Variants in LDLRAD1 observed in about 807,000 individuals in gnomAD.
LDLRAD1 encodes the protein low density lipoprotein receptor class A domain containing 1.
LDLRAD1 carries 17 observed loss-of-function variants against 24.8 expected under a neutral mutation model. The observed-to-expected ratio is 0.69, with a 90% CI of 0.47 to 1.03. The LOEUF (loss-of-function observed/expected upper bound fraction) is 1.03. Ranked by LOEUF, LDLRAD1 falls within the 50% of genes least tolerant of loss-of-function variation. The pLI is 0.00. For missense variants in LDLRAD1, 277 were observed against 271.0 expected, an observed-to-expected ratio of 1.02 and a Z score of -0.16; for synonymous variants, 103 against 108.2, an observed-to-expected ratio of 0.95 and a Z score of 0.30.
chr1:54,011,469 T>A (rs895619704), intron 4 of LDLRAD1, among the ~76,000 whole-genome samples: 1 of 152,060 alleles, frequency 6.6e-6, no homozygotes, highest in Non-Finnish European at 1.5e-5. Flanking sequence ...CTAGATGCTT[T>A]TGAGATTGCT....
Position 54,009,029 on chromosome 1 carries a change from G to A in LDLRAD1, c.571C>T (p.Gln191Ter). The change falls in exon 6 of 6, where the codon CAG becomes TAG. Residue 191 changes from glutamine to a stop codon, truncating the protein, a stop_gained. Coordinates refer to ENST00000371360, the MANE Select transcript of LDLRAD1 (RefSeq NM_001010978.4). LOFTEE classifies it high-confidence loss of function. ...TCATCGGACCAGTCGGAGCAGTGCT[G>A]TACATGGTCGCGGCAGAGATGCCTC... ...IPRHLCRDHV[Q>*]HCSDWSDEYA... 6.2e-7 allele frequency: 1 copy of A among 1,614,104 alleles called. No homozygotes were observed. Among genetic ancestry groups the A allele is most frequent in the Non-Finnish European group, 8.5e-7 (1 of 1,180,004 alleles).
rs998489079 is a variant in LDLRAD1 at position 54,009,099 on chromosome 1, C to T, written c.501G>A (p.Trp167Ter). ...TGAAGAAGGTTGAAGGACAGCGCCA[C>T]CACCCAGGGCCGCAGGGTGGGCACA... The part of the protein sequence containing the change: ...VTVCPPCGPG[W>*]WRCPSTFFKY... The change falls in exon 6 of 6, where the codon TGG (tryptophan) becomes TGA (stop). Residue 167 changes from tryptophan to a stop codon, truncating the protein, a stop_gained. Transcript: ENST00000371360. LOFTEE classifies it high-confidence loss of function. 3.1e-6 allele frequency: 5 copies of T among 1,613,814 alleles called. No individual in the cohort carries two copies. The African/African-American group carries it at 6.7e-5, about 22-fold the overall frequency.
At chr1:54,012,111 C>T in intron 4 of LDLRAD1, 32 bp downstream of exon 4, 1 of 1,610,800 alleles carries the variant, frequency 6.2e-7, no homozygotes. Context: ...TGGGGGAACC[C>T]CTGGGAGGGG....
chr1:54,017,830 C>T (rs1365992175), intron 1 of LDLRAD1, among the ~76,000 whole-genome samples: 2 of 152,080 alleles, frequency 1.3e-5, no homozygotes, highest in African/African-American at 4.8e-5. Flanking sequence ...GGTAGGGTCC[C>T]CTACACCCTG....
In LDLRAD1 at chr1:54,008,259, C is replaced by A. The variant is rs956424490; in HGVS notation, c.*723G>T. 6 of 152,218 alleles carry A rather than the reference C, an allele frequency of 3.9e-5. No individual in the cohort carries two copies. The highest frequency in any genetic ancestry group is 1.2e-4 in the African/African-American group (5 of 41,440). 9.4% of individuals were successfully genotyped at this position (152,218 alleles called of 1,614,324 possible). On this transcript the variant is annotated 3_prime_UTR_variant, in exon 6 of 6. Transcript: ENST00000371360. ...GTGTCACTTGGTTAAATCAGTAGAGCCTGCTGGGTTAACTAAACTGGGGAA... is the reference window on the plus strand; with the variant it reads ...GTGTCACTTGGTTAAATCAGTAGAGACTGCTGGGTTAACTAAACTGGGGAA...
chr1:54,011,763 G>A (rs1305762653), intron 4 of LDLRAD1, among the ~76,000 whole-genome samples: 1 of 152,228 alleles, frequency 6.6e-6, no homozygotes, highest in African/African-American at 2.4e-5. Context: ...GGTGGCAGAT[G>A]TGCCAATCAA....
rs202234131 is a variant in LDLRAD1 at position 54,010,387 on chromosome 1, G to A, written c.364C>T (p.His122Tyr). The change falls in exon 5 of 6, where the codon CAC becomes TAC. Residue 122 changes from histidine (H) to tyrosine (Y), a missense_variant. His to Tyr is a moderately conservative substitution (Grantham distance 83). Coordinates refer to ENST00000371360, the MANE Select transcript of LDLRAD1 (RefSeq NM_001010978.4). ...LCRDVPQSLPHFLVAHCGDPA... is the reference protein window; with the variant it reads ...LCRDVPQSLPYFLVAHCGDPA... Reference sequence around the variant, plus strand: ...TCTCCACAGTGGGCCACAAGGAAGTGGGGGAGGCTCTGGGGCACATCTCCT... The same window carrying A: ...TCTCCACAGTGGGCCACAAGGAAGTAGGGGAGGCTCTGGGGCACATCTCCT... The A allele has an allele frequency of 1.5e-5, 25 of 1,613,890 alleles. No individual in the cohort carries two copies. The highest frequency in any genetic ancestry group is 2.7e-5 in the African/African-American group (2 of 74,898).
In LDLRAD1 at chr1:54,008,783, A is replaced by C. The variant is rs929160899; in HGVS notation, c.*199T>G. The C allele has an allele frequency of 2.3e-5, 12 of 530,512 alleles. No homozygotes were observed. The highest frequency in any genetic ancestry group is 2.7e-5 in the Non-Finnish European group (8 of 299,380). 32.9% of individuals were successfully genotyped at this position (530,512 alleles called of 1,614,324 possible). A position where few individuals can be genotyped will look rare whatever the true frequency, so the allele number is the denominator to read the frequency against. On this transcript the variant is annotated 3_prime_UTR_variant, in exon 6 of 6. Coordinates refer to ENST00000371360, the MANE Select transcript of LDLRAD1 (RefSeq NM_001010978.4). ...TTTGTTAGAAGCCACCTAACATGGT[A>C]ATGAGCTCCTGGTCATTGGAAGCAT... is the stretch of plus-strand genomic sequence containing the variant.
In LDLRAD1 at chr1:54,014,228, G is replaced by C; in HGVS notation, c.202+8C>G. ...GGGTCTGACCCACCCTCTCTTGGCC[G>C]CCCTGACCTGGGGTGCATGATGGGA... is the stretch of plus-strand genomic sequence containing the variant. On this transcript the variant is annotated splice_region_variant and intron_variant, in intron 3 of 5. Transcript: ENST00000371360. 6.4e-7 allele frequency: 1 copy of C among 1,570,112 alleles called. No homozygotes were observed. Among genetic ancestry groups the C allele is most frequent in the Admixed American group, 1.9e-5 (1 of 53,762 alleles).
chr1:54,013,685 A>C (rs72664119), intron 3 of LDLRAD1, among the ~76,000 whole-genome samples: 11,523 of 150,548 alleles, frequency 0.077, 614 homozygotes, highest in Non-Finnish European at 0.12. Flanking sequence ...CATTGTTCCT[A>C]CCCTGACTCC....
At chr1:54,012,370 G>T in intron 3 of LDLRAD1, 90 bp from the exon 4 acceptor site, 3 of 1,429,946 alleles carry the variant, frequency 2.1e-6, no homozygotes, top group Non-Finnish European at 2.9e-6. Context: ...GAGCTGGCCT[G>T]AGGGGCTGGG....
chr1:54,014,929 A>G (rs921153308), intron 2 of LDLRAD1, among the ~76,000 whole-genome samples: 8 of 152,016 alleles, frequency 5.3e-5, no homozygotes, highest in African/African-American at 1.9e-4. Flanking sequence ...GCTCTACCGC[A>G]TCCTACCTGG....
chr1:54,011,248 A>G (rs1422675061), intron 4 of LDLRAD1, among the ~76,000 whole-genome samples: 1 of 152,142 alleles, frequency 6.6e-6, no homozygotes, highest in Non-Finnish European at 1.5e-5. Context: ...CAGAAATTAA[A>G]GTGTGGTCTA....
At chr1:54,013,074 C>T (rs1656130973) in intron 3 of LDLRAD1, among the ~76,000 whole-genome samples, 1 of 152,034 alleles carries the variant, frequency 6.6e-6, no homozygotes, top group South Asian at 2.1e-4. Flanking sequence ...CGGGGGGGAG[C>T]AACTCTCAGA....
At position 54,009,039 on chromosome 1, in the gene LDLRAD1, G is replaced by C. The variant is rs200922809; in HGVS notation, c.561C>G (p.Arg187=). The change falls in exon 6 of 6, where the codon CGC becomes CGG. Residue 187 remains arginine (R), a synonymous_variant. Transcript: ENST00000371360. ...YCDCIPRHLC[R]DHVQHCSDWS... is the part of the protein sequence containing the mutation. The stretch of plus-strand genomic sequence containing the variant: ...AGTCGGAGCAGTGCTGTACATGGTC[G>C]CGGCAGAGATGCCTCGGTATACAGT... 3 of 1,613,952 alleles carry C rather than the reference G, an allele frequency of 1.9e-6. No homozygotes were observed. The African/African-American group carries it at 4.0e-5, about 22-fold the overall frequency.
rs749758754 is a variant in LDLRAD1, at chr1:54,010,401, G to A, written c.350C>T (p.Pro117Leu). 4.3e-6 allele frequency: 7 copies of A among 1,613,828 alleles called. No individual in the cohort carries two copies. Among genetic ancestry groups the A allele is most frequent in the African/African-American group, 4.0e-5 (3 of 74,876 alleles). The change falls in exon 5 of 6, where the codon CCC (proline) becomes CTC (leucine). Residue 117 changes from proline to leucine, a missense_variant. Coordinates refer to ENST00000371360, the MANE Select transcript of LDLRAD1 (RefSeq NM_001010978.4). ...DEDESLCRDV[P>L]QSLPHFLVAH... ...CACAAGGAAGTGGGGGAGGCTCTGG[G>A]GCACATCTCCTGTAGAGGTACAGAG...
At chr1:54,018,044 G>C in intron 1 of LDLRAD1, 48 bp downstream of exon 1, 1 of 1,513,222 alleles carries the variant, frequency 6.6e-7, no homozygotes, top group Non-Finnish European at 9.2e-7. Context: ...CTCTCACTTG[G>C]GGACAGCTCT....
chr1:54,011,891 A>C (rs544598564), intron 4 of LDLRAD1, among the ~76,000 whole-genome samples: 1 of 152,184 alleles, frequency 6.6e-6, no homozygotes, highest in African/African-American at 2.4e-5. Context: ...AGGAGGTAAC[A>C]TTTGAACTCT....
intron 3 of LDLRAD1, among the ~76,000 whole-genome samples, chr1:54,013,628 C>T (rs1656159281): frequency 6.6e-6 from 1 of 152,068 alleles, no homozygotes; most frequent in Non-Finnish European, 1.5e-5. Flanking sequence ...ACATGCTGTT[C>T]CCTGTGCCTG....
Sources: gnomAD v4.1 joint callset for allele counts (sites outside exome capture counted in the v4.1 genomes callset) on GRCh38, gnomAD v4.1.1 for gene constraint, MANE v1.5 for transcripts, NCBI Gene and HGNC (gene_info 2026-07-23, HGNC 2026-07-21) for gene names.